Variants in ACACB observed in about 807,000 individuals in gnomAD.
ACACB encodes the protein acetyl-CoA carboxylase beta, also known as acetyl-CoA carboxylase 2.
In ACACB, 209 loss-of-function variants were observed where a neutral mutation model predicts 278.8. The observed-to-expected ratio is 0.75, with a 90% confidence interval of 0.67 to 0.84. The LOEUF (loss-of-function observed/expected upper bound fraction) is 0.84, where lower values mean the gene tolerates loss of function less well. Ranked by LOEUF, ACACB falls within the 40% of genes least tolerant of loss-of-function variation. ACACB has a pLI of 0.00. For missense variants in ACACB, 2,850 were observed against 3,269.0 expected (o/e 0.87, Z 3.13); for synonymous variants, 1,174 against 1,285.6 (o/e 0.91, Z 1.86).
rs771191785 is a variant in ACACB at position 109,185,755 on chromosome 12, C to A, written c.1980+15C>A. 3.8e-6 allele frequency: 6 copies of A among 1,599,762 alleles called. 1 individual carries two copies. Among genetic ancestry groups the A allele is most frequent in the South Asian group, 3.3e-5 (3 of 89,676 alleles). ...ACCCAGACGAGGCAAGTTATGGGGG[C>A]CCCTGTGTTTCCACCATCTCAGATC... On this transcript the variant is annotated intron_variant, in intron 12 of 52. Transcript: ENST00000338432.
intron 1 of ACACB, among the ~76,000 whole-genome samples, chr12:109,130,639 TGATCTGTGACACCCCA>T (rs1226486797): frequency 2.6e-5 from 4 of 152,226 alleles, no homozygotes; most frequent in African/African-American, 9.6e-5. Flanking sequence ...AGAAACACTC[TGATCTGTGACACCCCA>T]GATCTACAGG....
At chr12:109,189,926 C>T (rs1417785590) in intron 13 of ACACB, among the ~76,000 whole-genome samples, 2 of 152,112 alleles carry the variant, frequency 1.3e-5, no homozygotes, top group East Asian at 3.9e-4. Flanking sequence ...GCCTGGCCAA[C>T]ATGACGAAAC....
At chr12:109,138,935 A>G (rs1285376143) in intron 1 of ACACB, among the ~76,000 whole-genome samples, 1 of 152,190 alleles carries the variant, frequency 6.6e-6, no homozygotes, top group Non-Finnish European at 1.5e-5. Flanking sequence ...GGACAAGTCA[A>G]TGTTTTTTAA....
In ACACB at chr12:109,200,066, T is replaced by A. The variant is rs148283135; in HGVS notation, c.2778+514T>A. On this transcript the variant is annotated intron_variant, in intron 18 of 52. Coordinates refer to ENST00000338432, the MANE Select transcript of ACACB (RefSeq NM_001093.4). ...AAAAAAAAACTTCAAAAAATGCACA[T>A]CTCCCCAGGAATGAGTAAGAAGGTT... Among the ~76,000 whole-genome samples the A allele has an allele frequency of 8.0e-5, 12 of 149,652 alleles. No homozygotes were observed. The East Asian group carries it at 1.8e-3, about 22-fold the overall frequency.
rs1213263926 is a variant in ACACB, at chr12:109,265,093, G to A, written c.6943-17G>A. On this transcript the variant is annotated splice_polypyrimidine_tract_variant and intron_variant, in intron 50 of 52. Coordinates refer to ENST00000338432, the MANE Select transcript of ACACB (RefSeq NM_001093.4). ...CCTCCTTCCCTTTCCGGGGATTCAA[G>A]CCTGGCTCGTCCACAGGACATCCTG... 1 of 1,594,990 alleles carries A rather than the reference G, an allele frequency of 6.3e-7. No individual in the cohort carries two copies. Among genetic ancestry groups the A allele is most frequent in the East Asian group, 2.2e-5 (1 of 44,780 alleles).
rs766775329 is a variant in ACACB, at chr12:109,222,792, C to T, written c.3679-7C>T. The T allele has an allele frequency of 1.2e-6, 2 of 1,610,704 alleles. No homozygotes were observed. Among genetic ancestry groups the T allele is most frequent in the Admixed American group, 1.7e-5 (1 of 59,976 alleles). On this transcript the variant is annotated splice_region_variant and splice_polypyrimidine_tract_variant and intron_variant, in intron 25 of 52. Coordinates refer to ENST00000338432, the MANE Select transcript of ACACB (RefSeq NM_001093.4). ...TCACGCCAGCGCCCCCATCCCTCCC[C>T]CTGCAGATCCTGATTGCCTCCCACC...
rs1467594789 is a variant in ACACB, at chr12:109,264,174, C to T, written c.6788-58C>T. On this transcript the variant is annotated intron_variant, in intron 49 of 52. Coordinates refer to ENST00000338432, the MANE Select transcript of ACACB (RefSeq NM_001093.4). ...TTCTTCAAAAAAAAAAAAAAATCTC[C>T]ACCCCATCACATATGACCAGCTTCC... 4.5e-6 allele frequency: 7 copies of T among 1,551,260 alleles called. No homozygotes were observed. The Admixed American group carries it at 1.4e-4, about 31-fold the overall frequency.
chr12:109,115,548 T>A (rs143395758), upstream of ACACB, among the ~76,000 whole-genome samples: 1,568 of 151,384 alleles, frequency 0.01, 37 homozygotes, highest in African/African-American at 0.036. Flanking sequence ...AACATATGAC[T>A]CGGGCCGGGC....
At chr12:109,194,884 C>T (rs143633746) in intron 16 of ACACB, among the ~76,000 whole-genome samples, 3 of 152,134 alleles carry the variant, frequency 2.0e-5, no homozygotes, top group East Asian at 1.9e-4. Flanking sequence ...ATAGTGGGCC[C>T]GGGTCTGTTT....
In ACACB at chr12:109,210,075, A is replaced by ATATGTGTATATATACACACACGTGTGTG. The variant is rs1565926058; in HGVS notation, c.3249+725_3249+726insGTGTATATATACACACACGTGTGTGTAT. On this transcript the variant is annotated intron_variant, in intron 21 of 52. Coordinates refer to ENST00000338432, the MANE Select transcript of ACACB (RefSeq NM_001093.4). The stretch of plus-strand genomic sequence containing the variant: ...TACACACACGTGTGTATATATGTGT[A>ATATGTGTATATATACACACACGTGTGTG]TATATGTATATATACACACATGTGT... Among the ~76,000 whole-genome samples, 6 of 128,310 alleles carry ATATGTGTATATATACACACACGTGTGTG rather than the reference A, an allele frequency of 4.7e-5. 1 individual carries two copies. The highest frequency in any genetic ancestry group is 1.8e-4 in the African/African-American group (6 of 32,656). The allele number at this position is 128,310 out of a possible 152,430, so 84.2% of individuals were successfully genotyped here. A position where few individuals can be genotyped will look rare whatever the true frequency, so the allele number is the denominator to read the frequency against.
rs774332138 is a variant in ACACB at position 109,179,940 on chromosome 12, C to G, written c.1671C>G (p.Thr557=). The change falls in exon 11 of 53, where the codon ACC becomes ACG. Residue 557 remains threonine (T), a synonymous_variant. Transcript: ENST00000338432. ...MEQCAIRLAK[T]VGYVSAGTVE... ...AGTGTGCCATCCGCCTGGCCAAGAC[C>G]GTGGGCTATGTGAGTGCAGGGACAG... is the stretch of plus-strand genomic sequence containing the variant. The G allele has an allele frequency of 1.9e-6, 3 of 1,610,378 alleles. No homozygotes were observed. The highest frequency in any genetic ancestry group is 2.7e-5 in the African/African-American group (2 of 74,860).
At chr12:109,115,792 C>T (rs1267103110), upstream of ACACB, among the ~76,000 whole-genome samples, 1 of 152,218 alleles carries the variant, frequency 6.6e-6, no homozygotes, top group African/African-American at 2.4e-5. Flanking sequence ...CCATTTAAAC[C>T]ATTTTGCACA....
intron 7 of ACACB, among the ~76,000 whole-genome samples, chr12:109,175,589 A>T (rs2044257753): frequency 6.6e-6 from 1 of 151,784 alleles, no homozygotes; most frequent in African/African-American, 2.4e-5. Flanking sequence ...CTAATTATAA[A>T]ATTTTTTTTG....
intron 2 of ACACB, among the ~76,000 whole-genome samples, chr12:109,157,832 G>A (rs929205222): frequency 6.6e-6 from 1 of 152,176 alleles, no homozygotes; most frequent in African/African-American, 2.4e-5. Flanking sequence ...GTAGAGAAAT[G>A]ATTGTGGATC....
Position 109,241,289 on chromosome 12 carries a change from T to C in ACACB, c.5022+8T>C. ...GACTCCAGATCTGGAAATGTAAGGCTGGCCCGCGCCGTGGGGGTCTAAGTC... is the reference window on the plus strand; with the variant it reads ...GACTCCAGATCTGGAAATGTAAGGCCGGCCCGCGCCGTGGGGGTCTAAGTC... On this transcript the variant is annotated splice_region_variant and intron_variant, in intron 36 of 52. Transcript: ENST00000338432. The C allele has an allele frequency of 6.2e-7, 1 of 1,613,708 alleles. No individual in the cohort carries two copies. The highest frequency in any genetic ancestry group is 1.1e-5 in the South Asian group (1 of 91,082).
intron 34 of ACACB, among the ~76,000 whole-genome samples, chr12:109,239,326 T>G (rs966281344): frequency 6.6e-6 from 1 of 152,176 alleles, no homozygotes; most frequent in Admixed American, 6.5e-5. Context: ...AAGAAGGGGT[T>G]TTCCCTGCCA....
chr12:109,187,770 A>AT (rs1040218479), intron 12 of ACACB, among the ~76,000 whole-genome samples: 1 of 151,976 alleles, frequency 6.6e-6, no homozygotes, highest in African/African-American at 2.4e-5. Flanking sequence ...CAACTTCGTT[A>AT]TTTTTTTACA....
chr12:109,232,512 C>T (rs1433178626), intron 28 of ACACB, among the ~76,000 whole-genome samples, 157 bp from the exon 29 acceptor site: 6 of 152,318 alleles, frequency 3.9e-5, no homozygotes, highest in East Asian at 1.9e-4. Flanking sequence ...CCTCAGGCCC[C>T]GGCCCCAGCC....
chr12:109,123,857 T>A (rs1565841994), intron 1 of ACACB, among the ~76,000 whole-genome samples: 2 of 151,342 alleles, frequency 1.3e-5, no homozygotes, highest in African/African-American at 2.4e-5. Flanking sequence ...TTTTTTTTTT[T>A]AATTTTTATT....
Sources: gnomAD v4.1 joint callset for allele counts (sites outside exome capture counted in the v4.1 genomes callset) on GRCh38, gnomAD v4.1.1 for gene constraint, MANE v1.5 for transcripts, NCBI Gene and HGNC (gene_info 2026-07-23, HGNC 2026-07-21) for gene names.